RASGRP3: variants seen among roughly 807,000 people sequenced by gnomAD.
RASGRP3 encodes the protein ras guanyl-releasing protein 3.
A neutral mutation model predicts 82.7 loss-of-function variants in RASGRP3; 54 were observed. That is an observed-to-expected ratio of 0.65 (90% CI 0.52 to 0.82). The LOEUF is 0.82. Among genes scored for constraint, RASGRP3 ranks in the 40% least tolerant of loss-of-function variants. The pLI is 0.00. For missense variants in RASGRP3, 861 were observed against 828.9 expected, an observed-to-expected ratio of 1.04 and a Z score of -0.48; for synonymous variants, 309 against 300.5, an observed-to-expected ratio of 1.03 and a Z score of -0.29.
chr2:33,454,641 T>C (rs769626185), intron 2 of RASGRP3, among the ~76,000 whole-genome samples: 49 of 152,166 alleles, frequency 3.2e-4, no homozygotes, highest in Non-Finnish European at 5.7e-4. Flanking sequence ...ATCACCCATC[T>C]CTCATCATAG....
rs1423602236 is a variant in RASGRP3, at chr2:33,561,097, C to T, written c.2065-1632C>T. Among the ~76,000 whole-genome samples the T allele has an allele frequency of 5.9e-5, 9 of 151,402 alleles. No homozygotes were observed. The East Asian group carries it at 1.4e-3, about 23-fold the overall frequency. On this transcript the variant is annotated intron_variant, in intron 17 of 17. Coordinates refer to ENST00000403687, the MANE Select transcript of RASGRP3 (RefSeq NM_001139488.2). ...TTTTTTTTTCTTTGAGACGGAGTCT[C>T]ACTCTGTCACCCAGGGTGGAGTGCA...
rs1015039260 is a variant in RASGRP3, at chr2:33,563,452, G to A, written c.*715G>A. On this transcript the variant is annotated 3_prime_UTR_variant, in exon 18 of 18. Coordinates refer to ENST00000403687, the MANE Select transcript of RASGRP3 (RefSeq NM_001139488.2). Reference sequence around the variant, plus strand: ...TGCGTCACTAGGAAGCTATAGCATGGTCGTGAAAGCTCTCCTAATACTTAC... The same window carrying A: ...TGCGTCACTAGGAAGCTATAGCATGATCGTGAAAGCTCTCCTAATACTTAC... 3.3e-5 allele frequency: 5 copies of A among 151,860 alleles called. No homozygotes were observed. Among genetic ancestry groups the A allele is most frequent in the African/African-American group, 1.2e-4 (5 of 41,432 alleles). 9.4% of individuals were successfully genotyped at this position (151,860 alleles called of 1,614,324 possible). A position where few individuals can be genotyped will look rare whatever the true frequency, so the allele number is the denominator to read the frequency against.
chr2:33,522,429 C>G (rs1314222176), intron 7 of RASGRP3, among the ~76,000 whole-genome samples: 1 of 152,164 alleles, frequency 6.6e-6, no homozygotes, highest in African/African-American at 2.4e-5. Flanking sequence ...ACATGTTTTG[C>G]TAGGCCCTTC....
intron 14 of RASGRP3, among the ~76,000 whole-genome samples, chr2:33,551,048 C>A (rs1467903759): frequency 2.6e-5 from 4 of 152,136 alleles, no homozygotes; most frequent in African/African-American, 7.2e-5. Context: ...CGCGGTGGCT[C>A]ATGTGTGTAA....
intron 1 of RASGRP3, among the ~76,000 whole-genome samples, chr2:33,498,873 T>C (rs79522831): frequency 2.2e-4 from 33 of 151,896 alleles, no homozygotes; most frequent in Admixed American, 3.9e-4. Context: ...GCCTGACATA[T>C]GCTTGTACCT....
intron 1 of RASGRP3, among the ~76,000 whole-genome samples, chr2:33,500,564 A>G (rs1349763120): frequency 6.6e-6 from 1 of 152,168 alleles, no homozygotes; most frequent in East Asian, 1.9e-4. Context: ...GTGAGTCCCA[A>G]GTTTCTGGCA....
At chr2:33,473,360 G>C (rs891045735), upstream of RASGRP3, among the ~76,000 whole-genome samples, 1 of 151,458 alleles carries the variant, frequency 6.6e-6, no homozygotes, top group Non-Finnish European at 1.5e-5. Context: ...TCCAGCCTGG[G>C]CAACACAGTG....
At chr2:33,560,301 C>T (rs1676503153) in intron 17 of RASGRP3, among the ~76,000 whole-genome samples, 1 of 152,166 alleles carries the variant, frequency 6.6e-6, no homozygotes, top group South Asian at 2.1e-4. Context: ...TTATTTTTAA[C>T]ATTTCCCCCA....
chr2:33,475,104 T>C (rs60860550), upstream of RASGRP3, among the ~76,000 whole-genome samples: 642 of 152,364 alleles, frequency 4.2e-3, 11 homozygotes, highest in African/African-American at 0.015. Flanking sequence ...TTGAAGATTG[T>C]CACATCAACA....
chr2:33,536,428 C>T (rs1413225511), intron 11 of RASGRP3, among the ~76,000 whole-genome samples: 1 of 151,834 alleles, frequency 6.6e-6, no homozygotes, highest in African/African-American at 2.4e-5. Flanking sequence ...AGCTGGGATT[C>T]AGTGTCAGGC....
intron 11 of RASGRP3, among the ~76,000 whole-genome samples, chr2:33,537,726 A>G (rs777216168): frequency 4.6e-4 from 70 of 152,198 alleles, no homozygotes; most frequent in Non-Finnish European, 8.8e-4. Flanking sequence ...ACCAGCAAAA[A>G]TGTTGACATT....
chr2:33,497,366 C>T (rs1669423741), intron 1 of RASGRP3, among the ~76,000 whole-genome samples: 1 of 152,086 alleles, frequency 6.6e-6, no homozygotes, highest in South Asian at 2.1e-4. Flanking sequence ...TTGTGAAATC[C>T]CCACAAATTA....
At chr2:33,509,724 A>T (rs1240723222) in intron 1 of RASGRP3, among the ~76,000 whole-genome samples, 1 of 152,188 alleles carries the variant, frequency 6.6e-6, no homozygotes, top group Non-Finnish European at 1.5e-5. Context: ...GCTAGACTAT[A>T]GAGGCAAGGA....
upstream of RASGRP3, among the ~76,000 whole-genome samples, chr2:33,472,344 A>G (rs1217008274): frequency 2.0e-5 from 3 of 152,218 alleles, no homozygotes; most frequent in African/African-American, 4.8e-5. Context: ...GTGGGAGTGA[A>G]GCCCTGAAGG....
rs71409633 is a variant in RASGRP3, at chr2:33,563,655, A to AT, written c.*925dup. The AT allele has an allele frequency of 5.9e-5, 9 of 151,754 alleles. No homozygotes were observed. The highest frequency in any genetic ancestry group is 5.8e-4 in the East Asian group (3 of 5,176). The allele number at this position is 151,754 out of a possible 1,614,324, so 9.4% of individuals were successfully genotyped here. A position where few individuals can be genotyped will look rare whatever the true frequency, so the allele number is the denominator to read the frequency against. On this transcript the variant is annotated 3_prime_UTR_variant, in exon 18 of 18. Transcript: ENST00000403687. ...TAGGTGAAATGCAAAACAACCATCA[A>AT]TTTTTTTAAACTCAATAATTTTGTG...
At chr2:33,536,221 G>A (rs750601521) in intron 11 of RASGRP3, among the ~76,000 whole-genome samples, 16 of 147,676 alleles carry the variant, frequency 1.1e-4, no homozygotes, top group Non-Finnish European at 2.1e-4. Flanking sequence ...AGGATCACTC[G>A]AATCCAGGAG....
chr2:33,492,201 A>T (rs1444536154), intron 1 of RASGRP3, among the ~76,000 whole-genome samples: 2 of 152,254 alleles, frequency 1.3e-5, no homozygotes, highest in Non-Finnish European at 2.9e-5. Context: ...ATAAAAAATG[A>T]CATCGAGTGG....
chr2:33,493,729 T>TC (rs1226573866), intron 1 of RASGRP3, among the ~76,000 whole-genome samples: 5 of 151,808 alleles, frequency 3.3e-5, no homozygotes, highest in African/African-American at 1.2e-4. Context: ...ATCCCTGCTA[T>TC]CATTTTAGAC....
chr2:33,524,145 A>G (rs528943805), intron 8 of RASGRP3, 93 bp downstream of exon 8: 21 of 1,415,610 alleles, frequency 1.5e-5, no homozygotes, highest in Middle Eastern at 1.8e-4. Context: ...TTCACAGTAT[A>G]AGGGCATCGG....
Sources: gnomAD v4.1 joint callset for allele counts (sites outside exome capture counted in the v4.1 genomes callset) on GRCh38, gnomAD v4.1.1 for gene constraint, MANE v1.5 for transcripts, NCBI Gene and HGNC (gene_info 2026-07-23, HGNC 2026-07-21) for gene names.